RPTOR: variants seen among roughly 807,000 people sequenced by gnomAD.
RPTOR encodes regulatory associated protein of MTOR complex 1, also known as regulatory-associated protein of mTOR.
A neutral mutation model predicts 169.9 loss-of-function variants in RPTOR; 21 were observed. The ratio of observed to expected loss-of-function variants is 0.12; its 90% CI spans 0.09 to 0.18. RPTOR has a LOEUF of 0.18. RPTOR is among the 10% of genes least tolerant of loss of function. RPTOR has a pLI of 1.00. For missense variants in RPTOR, 1,133 were observed against 1,855.9 expected (o/e 0.61, Z 7.16); for synonymous variants, 732 against 753.2 (o/e 0.97, Z 0.46).
At chr17:80,715,182 G>T (rs1168346631) in intron 4 of RPTOR, among the ~76,000 whole-genome samples, 1 of 152,314 alleles carries the variant, frequency 6.6e-6, no homozygotes, top group African/African-American at 2.4e-5. Context: ...ATCAGTAAAA[G>T]TTGACGAATC....
At chr17:80,928,648 G>A (rs914858681) in intron 24 of RPTOR, among the ~76,000 whole-genome samples, 2 of 152,160 alleles carry the variant, frequency 1.3e-5, no homozygotes, top group South Asian at 2.1e-4. Context: ...TTCTGTCTGC[G>A]GCTCACCTTT....
At chr17:80,743,241 G>A in intron 5 of RPTOR, 1 of 985,438 alleles carries the variant, frequency 1.0e-6, no homozygotes. Flanking sequence ...CATTAGAGAA[G>A]TAAGCAGAAA....
rs568153475 is a variant in RPTOR at position 80,587,555 on chromosome 17, T to G, written c.163-38136T>G. Among the ~76,000 whole-genome samples, 32 of 152,328 alleles carry G rather than the reference T, an allele frequency of 2.1e-4. No homozygotes were observed. In the East Asian group the frequency reaches 5.0e-3, roughly 24 times the overall value. Reference sequence around the variant, plus strand: ...AATCGGGTTGGGTTTTAGCTGAGGTTGTTTCTGCTGCACCACACTCCGGCC... The same window carrying G: ...AATCGGGTTGGGTTTTAGCTGAGGTGGTTTCTGCTGCACCACACTCCGGCC... On this transcript the variant is annotated intron_variant, in intron 1 of 33. Coordinates refer to ENST00000306801, the MANE Select transcript of RPTOR (RefSeq NM_020761.3).
chr17:80,650,983 C>G, intron 3 of RPTOR, among the ~76,000 whole-genome samples: 1 of 152,204 alleles, frequency 6.6e-6, no homozygotes, highest in African/African-American at 2.4e-5. Context: ...TCATCATGTT[C>G]CCTTTAACAA....
At chr17:80,728,144 C>G (rs2066356226) in intron 4 of RPTOR, among the ~76,000 whole-genome samples, 1 of 152,122 alleles carries the variant, frequency 6.6e-6, no homozygotes, top group South Asian at 2.1e-4. Context: ...CATTTTTCTT[C>G]TGTGAATTGC....
At chr17:80,595,008 G>A (rs1468656284) in intron 1 of RPTOR, among the ~76,000 whole-genome samples, 1 of 152,000 alleles carries the variant, frequency 6.6e-6, no homozygotes, top group Non-Finnish European at 1.5e-5. Flanking sequence ...GAGGGAGAAA[G>A]AGAATGGGGG....
intron 3 of RPTOR, among the ~76,000 whole-genome samples, chr17:80,644,104 A>G (rs111372756): frequency 1.3e-5 from 2 of 152,268 alleles, no homozygotes; most frequent in Non-Finnish European, 2.9e-5. Flanking sequence ...GCTCTTAACC[A>G]TGGTTTTAAT....
chr17:80,772,764 A>T (rs866361748), intron 6 of RPTOR, among the ~76,000 whole-genome samples: 1 of 152,046 alleles, frequency 6.6e-6, no homozygotes, highest in Admixed American at 6.6e-5. Flanking sequence ...TTTAATTTTC[A>T]TTATGTACCA....
At chr17:80,715,958 A>G (rs978506356) in intron 4 of RPTOR, among the ~76,000 whole-genome samples, 13 of 151,848 alleles carry the variant, frequency 8.6e-5, no homozygotes, top group African/African-American at 2.7e-4. Flanking sequence ...TTCTTTATCC[A>G]CTCATTGATT....
chr17:80,672,120 G>A (rs2065826369), intron 3 of RPTOR, among the ~76,000 whole-genome samples: 1 of 152,182 alleles, frequency 6.6e-6, no homozygotes, highest in Non-Finnish European at 1.5e-5. Flanking sequence ...CTCGGATACT[G>A]GAGAGGAACA....
chr17:80,549,365 C>T (rs2084317528), intron 1 of RPTOR, among the ~76,000 whole-genome samples: 2 of 152,118 alleles, frequency 1.3e-5, no homozygotes, highest in African/African-American at 2.4e-5. Context: ...TATATCTCCC[C>T]TATTTGTGTT....
chr17:80,777,489 C>T (rs563744013), intron 6 of RPTOR, among the ~76,000 whole-genome samples: 1 of 151,942 alleles, frequency 6.6e-6, no homozygotes, highest in South Asian at 2.1e-4. Flanking sequence ...TTCCGCTTTG[C>T]ATCTCCCTAA....
At chr17:80,685,199 G>GCACCTCATTCGGAGTCGCCC in intron 3 of RPTOR, among the ~76,000 whole-genome samples, 171 of 151,026 alleles carry the variant, frequency 1.1e-3, no homozygotes, top group African/African-American at 2.1e-3. Context: ...ATTCAGGGTC[G>GCACCTCATTCGGAGTCGCCC]CTTGTTGCGT....
intron 20 of RPTOR, among the ~76,000 whole-genome samples, chr17:80,900,204 TGTGGCC>T (rs1220326237): frequency 1.3e-5 from 2 of 152,108 alleles, no homozygotes; most frequent in Admixed American, 6.5e-5. Flanking sequence ...GCCGGGCATC[TGTGGCC>T]GTCTCCTCCC....
chr17:80,656,687 C>T (rs1367806876), intron 3 of RPTOR, among the ~76,000 whole-genome samples: 1 of 152,206 alleles, frequency 6.6e-6, no homozygotes, highest in Non-Finnish European at 1.5e-5. Context: ...TGGGTTGTGA[C>T]ATTTGTCTGT....
chr17:80,701,281 C>T (rs909477275), intron 3 of RPTOR, among the ~76,000 whole-genome samples: 9 of 152,198 alleles, frequency 5.9e-5, no homozygotes, highest in African/African-American at 2.2e-4. Flanking sequence ...GGAAAGGGCA[C>T]AGGTTATATA....
chr17:80,690,496 A>C (rs2065981930), intron 3 of RPTOR, among the ~76,000 whole-genome samples: 2 of 152,106 alleles, frequency 1.3e-5, no homozygotes, highest in Admixed American at 1.3e-4. Flanking sequence ...CTCTTTCTGC[A>C]GTTGATTGGT....
At chr17:80,787,730 G>T (rs148649834) in intron 6 of RPTOR, among the ~76,000 whole-genome samples, 37 of 152,214 alleles carry the variant, frequency 2.4e-4, no homozygotes, top group African/African-American at 8.4e-4. Context: ...ATGATATCTC[G>T]TGTAGCCTGG....
chr17:80,665,235 C>T (rs1446804018), intron 3 of RPTOR, among the ~76,000 whole-genome samples: 5 of 152,040 alleles, frequency 3.3e-5, no homozygotes, highest in Admixed American at 1.3e-4. Context: ...AGTTTCCTGG[C>T]GAGGAGGGAG....
Sources: gnomAD v4.1 joint callset for allele counts (sites outside exome capture counted in the v4.1 genomes callset) on GRCh38, gnomAD v4.1.1 for gene constraint, MANE v1.5 for transcripts, NCBI Gene and HGNC (gene_info 2026-07-23, HGNC 2026-07-21) for gene names.